Variants in AMZ1 observed in about 807,000 individuals in gnomAD.
AMZ1 encodes the protein archaelysin family metallopeptidase 1, also known as archaemetzincin-1.
Under a neutral mutation model 29.9 loss-of-function variants are expected in AMZ1, and 39 were observed. The ratio of observed to expected loss-of-function variants is 1.30; its 90% CI spans 1.01 to 1.70. AMZ1 has a LOEUF of 1.70. Among genes scored for constraint, AMZ1 ranks in the 40% most tolerant of loss-of-function variants. The pLI, the probability that AMZ1 is intolerant of heterozygous loss-of-function variation, is 0.00. For synonymous variants in AMZ1, 458 were observed against 304.0 expected (o/e 1.51, Z -5.27); for missense variants, 1,041 against 680.6 (o/e 1.53, Z -5.89).
chr7:2,736,996 G>A lies in AMZ1; in HGVS notation n.550+27180G>A, dbSNP rs187410514. Among the ~76,000 whole-genome samples the A allele has an allele frequency of 1.4e-4, 22 of 152,266 alleles. 1 individual carries two copies. Among genetic ancestry groups the A allele is most frequent in the Admixed American group, 1.4e-3 (22 of 15,278 alleles). On this transcript the variant is annotated intron_variant and non_coding_transcript_variant, in intron 4 of 4. Transcript: ENST00000489665. The stretch of plus-strand genomic sequence containing the variant: ...CCCTCTTGTCCTCTGCTCCTAATTG[G>A]AGCCTTTCTACCCACATGCTTGGTT...
intron 4 of AMZ1, among the ~76,000 whole-genome samples, chr7:2,727,317 T>C (rs904385454): frequency 1.3e-5 from 2 of 152,188 alleles, no homozygotes; most frequent in Non-Finnish European, 2.9e-5. Context: ...CTTGACCTTG[T>C]GATCCGCTCG....
intron 4 of AMZ1, among the ~76,000 whole-genome samples, chr7:2,734,265 GCCCGCATATGAACAGGCACGCAATGAGT>G (rs1790046731): frequency 1.3e-5 from 2 of 152,214 alleles, no homozygotes. Flanking sequence ...CCACAGAGCA[GCCCGCATATGAACAGGCACGCAATGAGT>G]CCCTTCAAAG....
intron 4 of AMZ1, among the ~76,000 whole-genome samples, chr7:2,737,281 T>TTTG (rs1562394928): frequency 1.4e-5 from 1 of 71,568 alleles, no homozygotes; most frequent in Non-Finnish European, 2.8e-5. Flanking sequence ...TTTGTTTTTT[T>TTTG]TTTTTTTGTT....
Position 2,750,805 on chromosome 7 carries a change from A to T in AMZ1, n.551-13907A>T, listed in dbSNP as rs138995103. Among the ~76,000 whole-genome samples the T allele has an allele frequency of 3.3e-5, 5 of 152,322 alleles. No individual in the cohort carries two copies. In the East Asian group the frequency reaches 9.7e-4, roughly 29 times the overall value. Reference sequence around the variant, plus strand: ...TGAAGAAACACAGTGTGAAGTTACAAAGTGAGGCCTCAGAACCAGATTCGG... The same window carrying T: ...TGAAGAAACACAGTGTGAAGTTACATAGTGAGGCCTCAGAACCAGATTCGG... On this transcript the variant is annotated intron_variant and non_coding_transcript_variant, in intron 4 of 4. Transcript: ENST00000489665.
chr7:2,702,450 T>A, intron 2 of AMZ1: 1 of 475,440 alleles, frequency 2.1e-6, no homozygotes, highest in Non-Finnish European at 3.7e-6. Flanking sequence ...CCCTGGTGAG[T>A]CCCTGCCTGC....
In AMZ1 at chr7:2,708,571, T is replaced by G. The variant is rs759114414; in HGVS notation, c.473-17T>G. ...CCGGCTGCCTCCTGACCCCATCCTC[T>G]GGCCCTCTCCCCGCAGACGGCATCC... On this transcript the variant is annotated splice_polypyrimidine_tract_variant and intron_variant, in intron 3 of 6. Coordinates refer to ENST00000683327, the MANE Select transcript of AMZ1 (RefSeq NM_001384743.1). 3 of 1,611,432 alleles carry G rather than the reference T, an allele frequency of 1.9e-6. No homozygotes were observed. Among genetic ancestry groups the G allele is most frequent in the Non-Finnish European group, 2.5e-6 (3 of 1,179,800 alleles).
At chr7:2,696,801 G>T (rs936255110) in intron 1 of AMZ1, among the ~76,000 whole-genome samples, 9 of 152,000 alleles carry the variant, frequency 5.9e-5, no homozygotes, top group African/African-American at 1.9e-4. Flanking sequence ...CAGGAGAATC[G>T]CTTGAACCCA....
chr7:2,685,551 C>G (rs1434891722), upstream of AMZ1, among the ~76,000 whole-genome samples: 1 of 142,316 alleles, frequency 7.0e-6, no homozygotes, highest in African/African-American at 2.8e-5. Flanking sequence ...CAGAGTGAGA[C>G]TCCGTCTCAA....
At chr7:2,741,395 G>A (rs1346592905) in intron 4 of AMZ1, among the ~76,000 whole-genome samples, 1 of 152,106 alleles carries the variant, frequency 6.6e-6, no homozygotes, top group Admixed American at 6.6e-5. Flanking sequence ...GGCTAGGGGT[G>A]GGGAGAGCTC....
chr7:2,696,090 G>A (rs979145365), intron 1 of AMZ1, among the ~76,000 whole-genome samples: 2 of 149,074 alleles, frequency 1.3e-5, no homozygotes, highest in South Asian at 2.2e-4. Flanking sequence ...CCCTCGCCCC[G>A]CCCCCCACAA....
chr7:2,706,811 C>T (rs1788379582), intron 3 of AMZ1, among the ~76,000 whole-genome samples: 1 of 144,880 alleles, frequency 6.9e-6, no homozygotes, highest in African/African-American at 2.9e-5. Context: ...GCCTGATCCA[C>T]AACAATCATC....
chr7:2,707,818 C>CTTTTTTTTTTTTTTTTT (rs60848680), intron 3 of AMZ1, among the ~76,000 whole-genome samples: 1 of 95,340 alleles, frequency 1.0e-5, no homozygotes, highest in African/African-American at 4.5e-5. Flanking sequence ...CTAACGAGGG[C>CTTTTTTTTTTTTTTTTT]TTTTTTTTTT....
At chr7:2,746,150 C>G (rs1790752709) in intron 4 of AMZ1, among the ~76,000 whole-genome samples, 1 of 152,208 alleles carries the variant, frequency 6.6e-6, no homozygotes, top group Admixed American at 6.5e-5. Context: ...GAATTGAATT[C>G]AGCTCTGCAC....
intron 4 of AMZ1, among the ~76,000 whole-genome samples, chr7:2,726,210 G>A (rs559556342): frequency 6.6e-6 from 1 of 152,330 alleles, no homozygotes; most frequent in East Asian, 1.9e-4. Context: ...TTTCATCTCT[G>A]CCCTTAAATC....
chr7:2,728,020 A>AG (rs1233132835), intron 4 of AMZ1: 1 of 152,038 alleles, frequency 6.6e-6, no homozygotes, highest in African/African-American at 2.4e-5. Context: ...AAAAAAAAAA[A>AG]AAAAAAAATT....
rs544817215 is a variant in AMZ1, at chr7:2,756,405, G to A, written n.551-8307G>A. Among the ~76,000 whole-genome samples, 13 of 152,110 alleles carry A rather than the reference G, an allele frequency of 8.5e-5. No homozygotes were observed. The South Asian group carries it at 2.7e-3, about 32-fold the overall frequency. On this transcript the variant is annotated intron_variant and non_coding_transcript_variant, in intron 4 of 4. Transcript: ENST00000489665. ...TGGTGGCTCACATTTATAATCCTACGAGTTCAAGACCAGCCTGGGCAATAG... is the reference window on the plus strand; with the variant it reads ...TGGTGGCTCACATTTATAATCCTACAAGTTCAAGACCAGCCTGGGCAATAG...
rs754038385 is a variant in AMZ1, at chr7:2,731,738, T to C, written n.550+21922T>C. 13 of 1,523,354 alleles carry C rather than the reference T, an allele frequency of 8.5e-6. No individual in the cohort carries two copies. The highest frequency in any genetic ancestry group is 1.1e-5 in the Non-Finnish European group (12 of 1,127,790). The allele number at this position is 1,523,354 out of a possible 1,614,324, so 94.4% of individuals were successfully genotyped here. On this transcript the variant is annotated intron_variant and non_coding_transcript_variant, in intron 4 of 4. Transcript: ENST00000489665. The surrounding 1 kb of genome is among the most constrained non-coding windows in gnomAD (Gnocchi z 6.0). Reference sequence around the variant, plus strand: ...CTAGCCAGCAGGATATCTTGCTTACTAGGAAAGTAATTCTGTAAAATACAG... The same window carrying C: ...CTAGCCAGCAGGATATCTTGCTTACCAGGAAAGTAATTCTGTAAAATACAG...
At chr7:2,700,146 G>A in intron 1 of AMZ1, 88 bp from the exon 2 acceptor site, 1 of 425,966 alleles carries the variant, frequency 2.3e-6, no homozygotes, top group Non-Finnish European at 4.3e-6. Context: ...TTCTCCCCAG[G>A]CCTGGGCAGG....
rs1308375834 is a variant in AMZ1 at position 2,700,274 on chromosome 7, A to G, written c.-178A>G. 5.7e-6 allele frequency: 4 copies of G among 705,700 alleles called. No homozygotes were observed. In the African/African-American group the frequency reaches 7.2e-5, roughly 13 times the overall value. The allele number at this position is 705,700 out of a possible 1,614,324, so 43.7% of individuals were successfully genotyped here. Reference sequence around the variant, plus strand: ...GAAGCGCCCATGCCTGAGAGCGTCCAGGACCAGGCAGAGCTGGGCCTTAAG... The same window carrying G: ...GAAGCGCCCATGCCTGAGAGCGTCCGGGACCAGGCAGAGCTGGGCCTTAAG... On this transcript the variant is annotated 5_prime_UTR_variant, in exon 2 of 7. Transcript: ENST00000683327.
Sources: gnomAD v4.1 joint callset for allele counts (sites outside exome capture counted in the v4.1 genomes callset) on GRCh38, gnomAD v4.1.1 for gene constraint, Gnocchi (gnomAD v3.1) non-coding constraint, MANE v1.5 for transcripts, NCBI Gene and HGNC (gene_info 2026-07-23, HGNC 2026-07-21) for gene names.